Variants in PLCG2 observed in about 807,000 individuals in gnomAD.
The protein encoded by PLCG2 is phospholipase C gamma 2, also known as 1-phosphatidylinositol 4,5-bisphosphate phosphodiesterase gamma-2.
PLCG2 carries 69 observed loss-of-function variants against 175.6 expected under a neutral mutation model. The observed-to-expected ratio is 0.39, with a 90% CI of 0.32 to 0.48. The LOEUF is 0.48. Among genes scored for constraint, PLCG2 ranks in the 20% least tolerant of loss-of-function variants. The pLI, the probability that PLCG2 is intolerant of heterozygous loss-of-function variation, is 0.91. For synonymous variants in PLCG2, 827 were observed against 624.0 expected, an observed-to-expected ratio of 1.33 and a Z score of -4.85; for missense variants, 1,798 against 1,650.9, an observed-to-expected ratio of 1.09 and a Z score of -1.54.
intron 2 of PLCG2, among the ~76,000 whole-genome samples, chr16:81,771,322 T>C (rs980234647): frequency 6.6e-6 from 1 of 152,172 alleles, no homozygotes; most frequent in Non-Finnish European, 1.5e-5. Flanking sequence ...TAAACGCCTG[T>C]GCTCAAGGGA....
At chr16:81,745,865 C>T (rs943234687) in intron 1 of PLCG2, among the ~76,000 whole-genome samples, 2 of 152,136 alleles carry the variant, frequency 1.3e-5, no homozygotes, top group African/African-American at 4.8e-5. Context: ...ATTCAGAGGC[C>T]GAGTTCAGCG....
intron 5 of PLCG2, among the ~76,000 whole-genome samples, chr16:81,862,078 C>T (rs1567503935): frequency 6.6e-6 from 1 of 152,224 alleles, no homozygotes; most frequent in Non-Finnish European, 1.5e-5. Context: ...GCAAAAGAAA[C>T]TTTGACCAAG....
At chr16:81,876,858 T>C (rs1907815505) in intron 7 of PLCG2, among the ~76,000 whole-genome samples, 1 of 152,210 alleles carries the variant, frequency 6.6e-6, no homozygotes, top group African/African-American at 2.4e-5. Context: ...GGTGCACCCG[T>C]AGCATCTAGA....
upstream of PLCG2, among the ~76,000 whole-genome samples, chr16:81,777,614 A>C (rs1312640232): frequency 6.6e-6 from 1 of 151,108 alleles, no homozygotes; most frequent in Non-Finnish European, 1.5e-5. Context: ...TATACACGCC[A>C]GTTGGGAGTG....
chr16:81,776,621 C>G (rs538297266), upstream of PLCG2, among the ~76,000 whole-genome samples: 48 of 152,312 alleles, frequency 3.2e-4, no homozygotes, highest in African/African-American at 1.2e-3. Flanking sequence ...GTGGCACCAT[C>G]TTGGCTCACT....
chr16:81,893,689 A>T lies in PLCG2; in HGVS notation c.987-20A>T, dbSNP rs775128091. ...CTGTGGCTGCCACTCTCACACGGCC[A>T]CCTGCCTTCTCTCCTGCAGGTACCT... On this transcript the variant is annotated intron_variant, in intron 11 of 32. Coordinates refer to ENST00000564138, the MANE Select transcript of PLCG2 (RefSeq NM_002661.5). The T allele has an allele frequency of 1.7e-5, 27 of 1,564,756 alleles. No homozygotes were observed. The Admixed American group carries it at 4.3e-4, about 25-fold the overall frequency.
chr16:81,961,544 C>A lies in PLCG2; in HGVS notation c.*3546C>A, dbSNP rs117077358. ...AGATAGAATTAAATAACATAAAAAT[C>A]AAAAATTTATTAGGCTAAAATTTTG... is the stretch of plus-strand genomic sequence containing the variant. On this transcript the variant is annotated 3_prime_UTR_variant, in exon 33 of 33. Transcript: ENST00000564138. 2,957 of 218,590 alleles carry A rather than the reference C, an allele frequency of 0.014. 35 individuals carry two copies. The highest frequency in any genetic ancestry group is 0.02 in the Non-Finnish European group (2,219 of 109,080). The allele number at this position is 218,590 out of a possible 1,614,324, so 13.5% of individuals were successfully genotyped here.
exon 2 of PLCG2, chr16:81,755,902 G>C (rs1319039387): frequency 6.6e-6 from 1 of 152,258 alleles, no homozygotes; most frequent in Non-Finnish European, 1.5e-5. Flanking sequence ...TCAAGCTCCA[G>C]GCGTCAGGAA....
chr16:81,904,783 C>G (rs771268528), intron 14 of PLCG2, among the ~76,000 whole-genome samples: 1 of 152,202 alleles, frequency 6.6e-6, no homozygotes, highest in East Asian at 1.9e-4. Context: ...GCAGTGAGGA[C>G]AGAAGACAAA....
intron 1 of PLCG2, among the ~76,000 whole-genome samples, chr16:81,780,690 A>C (rs923838027): frequency 6.6e-6 from 1 of 152,186 alleles, no homozygotes; most frequent in Non-Finnish European, 1.5e-5. Flanking sequence ...TTTTGCACTC[A>C]TTGGGTAGAG....
At chr16:81,949,736 A>C (rs1442019459) in intron 31 of PLCG2, among the ~76,000 whole-genome samples, 2 of 152,230 alleles carry the variant, frequency 1.3e-5, no homozygotes, top group Non-Finnish European at 2.9e-5. Context: ...TTGTCATGGT[A>C]AATATCAAAT....
At position 81,906,969 on chromosome 16, in the gene PLCG2, C is replaced by T. The variant is rs531173125; in HGVS notation, c.1468-716C>T. Among the ~76,000 whole-genome samples the T allele has an allele frequency of 6.9e-5, 10 of 144,920 alleles. No individual in the cohort carries two copies. The East Asian group carries it at 8.5e-4, about 12-fold the overall frequency. On this transcript the variant is annotated intron_variant, in intron 15 of 32. Transcript: ENST00000564138. Reference sequence around the variant, plus strand: ...AGGAGAATTACTTGAACCCGGGAGGCGGAGGTTTCAGTGAGCTGAGATTGA... The same window carrying T: ...AGGAGAATTACTTGAACCCGGGAGGTGGAGGTTTCAGTGAGCTGAGATTGA...
chr16:81,880,548 G>A (rs1253308794), intron 7 of PLCG2, among the ~76,000 whole-genome samples: 1 of 149,196 alleles, frequency 6.7e-6, no homozygotes, highest in African/African-American at 2.5e-5. Context: ...TGAGGTTGCA[G>A]AATAATATGT....
At chr16:81,783,420 T>C (rs2143162480) in intron 1 of PLCG2, among the ~76,000 whole-genome samples, 1 of 152,364 alleles carries the variant, frequency 6.6e-6, no homozygotes, top group East Asian at 1.9e-4. Flanking sequence ...CTCGTTTTGC[T>C]ACTTTCTATC....
intron 21 of PLCG2, 90 bp downstream of exon 21, chr16:81,921,359 A>G: frequency 4.5e-6 from 4 of 897,776 alleles, no homozygotes; most frequent in Admixed American, 1.7e-5. Flanking sequence ...ATAACAGGGC[A>G]AGGGAAGACT....
At chr16:81,900,590 G>A (rs1224148903) in intron 13 of PLCG2, 22 bp from the exon 14 acceptor site, 3 of 1,576,932 alleles carry the variant, frequency 1.9e-6, no homozygotes, top group Non-Finnish European at 2.6e-6. Flanking sequence ...CTGCCGAGCT[G>A]CCCACCCTCT....
chr16:81,763,379 G>T (rs1215896499), intron 2 of PLCG2, among the ~76,000 whole-genome samples: 4 of 152,262 alleles, frequency 2.6e-5, no homozygotes, highest in Non-Finnish European at 5.9e-5. Context: ...TTTGGGAGTG[G>T]CTGGGAAGTT....
At position 81,758,175 on chromosome 16, in the gene PLCG2, G is replaced by T. The variant is rs907919542; in HGVS notation, c.-48+2209G>T. 5.9e-5 allele frequency among the ~76,000 whole-genome samples: 9 copies of T among 152,114 alleles called. 1 individual carries two copies. In the South Asian group the frequency reaches 8.3e-4, roughly 14 times the overall value. Reference sequence around the variant, plus strand: ...TATTATTTTGCAGAGATGGGGTTTCGCGGTGTTCCTCAGGCTGATTTCAAA... The same window carrying T: ...TATTATTTTGCAGAGATGGGGTTTCTCGGTGTTCCTCAGGCTGATTTCAAA... On this transcript the variant is annotated intron_variant, in intron 2 of 5. Coordinates refer to the PLCG2 transcript ENST00000565054.
At chr16:81,761,155 C>G (rs1910033773) in intron 2 of PLCG2, among the ~76,000 whole-genome samples, 1 of 152,146 alleles carries the variant, frequency 6.6e-6, no homozygotes, top group African/African-American at 2.4e-5. Flanking sequence ...CCTTAGCCTC[C>G]CAAACTGCTG....
Sources: gnomAD v4.1 joint callset for allele counts (sites outside exome capture counted in the v4.1 genomes callset) on GRCh38, gnomAD v4.1.1 for gene constraint, MANE v1.5 for transcripts, NCBI Gene and HGNC (gene_info 2026-07-23, HGNC 2026-07-21) for gene names.